The following GRIK1 variants were observed in gnomAD, a reference collection of about 807,000 sequenced individuals.
GRIK1 encodes the protein glutamate ionotropic receptor kainate type subunit 1, also known as glutamate receptor ionotropic, kainate 1.
Under a neutral mutation model 105.7 loss-of-function variants are expected in GRIK1, and 69 were observed. The observed-to-expected ratio is 0.65, with a 90% confidence interval of 0.54 to 0.80. GRIK1 has a LOEUF of 0.80. Ranked by LOEUF, GRIK1 falls within the 30% of genes least tolerant of loss-of-function variation. The pLI is 0.00. For missense variants in GRIK1, 1,109 were observed against 1,167.3 expected (o/e 0.95, Z 0.73); for synonymous variants, 438 against 431.3 (o/e 1.02, Z -0.19).
intron 7 of GRIK1, among the ~76,000 whole-genome samples, chr21:29,606,754 C>G (rs1374093106): frequency 6.6e-6 from 1 of 151,950 alleles, no homozygotes; most frequent in Non-Finnish European, 1.5e-5. Flanking sequence ...CCCTAAGTAG[C>G]AACAAACTTT....
intron 16 of GRIK1, among the ~76,000 whole-genome samples, chr21:29,540,533 G>A (rs971738235): frequency 1.3e-5 from 2 of 152,098 alleles, no homozygotes; most frequent in African/African-American, 4.8e-5. Context: ...GGATCCACAG[G>A]AAATGAAATT....
At chr21:29,793,478 C>G (rs1351015023) in intron 1 of GRIK1, among the ~76,000 whole-genome samples, 3 of 151,826 alleles carry the variant, frequency 2.0e-5, no homozygotes, top group Non-Finnish European at 2.9e-5. Flanking sequence ...TCTCCCACCC[C>G]CTACCCTGCC....
intron 16 of GRIK1, among the ~76,000 whole-genome samples, chr21:29,541,256 G>A (rs1042194644): frequency 3.3e-5 from 5 of 152,188 alleles, no homozygotes; most frequent in African/African-American, 4.8e-5. Context: ...GTAAGCCACC[G>A]TGTCCGGCCT....
chr21:29,621,956 TTTTTTTTG>T (rs974260660), intron 7 of GRIK1, among the ~76,000 whole-genome samples: 2 of 150,660 alleles, frequency 1.3e-5, no homozygotes, highest in African/African-American at 4.9e-5. Flanking sequence ...TTTTTCTTTT[TTTTTTTTG>T]AGTTGGAGTT....
At chr21:29,923,429 G>A (rs763636545) in intron 1 of GRIK1, among the ~76,000 whole-genome samples, 3 of 152,178 alleles carry the variant, frequency 2.0e-5, no homozygotes, top group Non-Finnish European at 4.4e-5. Context: ...AACTCAATTT[G>A]TAGCTCAGCA....
intron 1 of GRIK1, among the ~76,000 whole-genome samples, chr21:29,736,045 A>G (rs1000534726): frequency 2.0e-5 from 3 of 152,162 alleles, no homozygotes; most frequent in Non-Finnish European, 4.4e-5. Context: ...AGACATAGAA[A>G]GCAATTAAAA....
At chr21:29,876,106 A>T (rs1331535329) in intron 1 of GRIK1, among the ~76,000 whole-genome samples, 9 of 104,552 alleles carry the variant, frequency 8.6e-5, no homozygotes, top group Non-Finnish European at 1.8e-4. Context: ...AGGGGAGGAG[A>T]TAGATATGTG....
chr21:29,888,431 A>G (rs1251266472), intron 1 of GRIK1, among the ~76,000 whole-genome samples: 1 of 150,730 alleles, frequency 6.6e-6, no homozygotes, highest in African/African-American at 2.4e-5. Context: ...TGCCCAGCTA[A>G]TTTTTGTACT....
At chr21:29,592,077 A>G (rs551550468) in intron 9 of GRIK1, among the ~76,000 whole-genome samples, 1 of 152,288 alleles carries the variant, frequency 6.6e-6, no homozygotes, top group South Asian at 2.1e-4. Flanking sequence ...CTTTAAAAAG[A>G]GAAAGATAAA....
At chr21:29,667,033 G>A (rs1037236092) in intron 4 of GRIK1, among the ~76,000 whole-genome samples, 3 of 152,176 alleles carry the variant, frequency 2.0e-5, no homozygotes, top group African/African-American at 7.2e-5. Context: ...GCTTAGCACA[G>A]TGCCAGCATA....
At chr21:29,776,007 T>G (rs1044339212) in intron 1 of GRIK1, among the ~76,000 whole-genome samples, 43 of 152,212 alleles carry the variant, frequency 2.8e-4, no homozygotes, top group Non-Finnish European at 5.0e-4. Context: ...TGGCGGAAGG[T>G]GAAGGGAAGC....
At chr21:29,605,105 G>T (rs1410038137) in intron 7 of GRIK1, among the ~76,000 whole-genome samples, 1 of 152,060 alleles carries the variant, frequency 6.6e-6, no homozygotes. Context: ...CGGATATGCA[G>T]GTTTGTTACA....
intron 1 of GRIK1, among the ~76,000 whole-genome samples, chr21:29,873,391 G>T (rs935153648): frequency 6.6e-6 from 1 of 152,196 alleles, no homozygotes; most frequent in Non-Finnish European, 1.5e-5. Context: ...TGGCATACCA[G>T]GGCTCAGATC....
intron 1 of GRIK1, among the ~76,000 whole-genome samples, chr21:29,785,963 C>G (rs1257054903): frequency 6.6e-6 from 1 of 151,758 alleles, no homozygotes; most frequent in African/African-American, 2.4e-5. Flanking sequence ...TTTGTCTTCT[C>G]CTTCCCTCTG....
At chr21:29,891,788 T>TA (rs1191566774) in intron 1 of GRIK1, among the ~76,000 whole-genome samples, 1 of 152,160 alleles carries the variant, frequency 6.6e-6, no homozygotes, top group Non-Finnish European at 1.5e-5. Context: ...TCTCTACTGT[T>TA]AAAAAAATTT....
intron 7 of GRIK1, among the ~76,000 whole-genome samples, chr21:29,606,600 CCCAAGTA>C (rs1332681988): frequency 6.6e-6 from 1 of 152,044 alleles, no homozygotes; most frequent in Non-Finnish European, 1.5e-5. Context: ...TACGATGGTG[CCCAAGTA>C]CACTCACCTG....
chr21:29,555,976 T>G (rs2090244009), intron 15 of GRIK1, among the ~76,000 whole-genome samples: 1 of 152,172 alleles, frequency 6.6e-6, no homozygotes, highest in African/African-American at 2.4e-5. Flanking sequence ...TTCCAGCCCC[T>G]GTTCCACCAG....
intron 4 of GRIK1, among the ~76,000 whole-genome samples, chr21:29,660,033 A>G (rs1015807076): frequency 1.3e-5 from 2 of 152,302 alleles, no homozygotes; most frequent in East Asian, 3.9e-4. Flanking sequence ...CTGCCTCTTG[A>G]AAGGACAATT....
At chr21:29,659,240 T>C (rs186185924) in intron 4 of GRIK1, among the ~76,000 whole-genome samples, 2 of 152,358 alleles carry the variant, frequency 1.3e-5, no homozygotes, top group African/African-American at 2.4e-5. Context: ...CAAATAATCA[T>C]GATTGGGACA....
Sources: allele counts gnomAD v4.1 joint callset (sites outside exome capture counted in the v4.1 genomes callset), GRCh38; gene constraint gnomAD v4.1.1; transcripts MANE v1.5; gene names NCBI Gene and HGNC (gene_info 2026-07-23, HGNC 2026-07-21).